The following KCNIP4 variants were observed in gnomAD, a reference collection of about 807,000 sequenced individuals.
The protein encoded by KCNIP4 is potassium voltage-gated channel interacting protein 4.
A neutral mutation model predicts 34.0 loss-of-function variants in KCNIP4; 12 were observed. That is an observed-to-expected ratio of 0.35 (90% CI 0.23 to 0.57). The LOEUF is 0.57. KCNIP4 is among the 20% of genes least tolerant of loss of function. KCNIP4 has a pLI of 0.83. For synonymous variants in KCNIP4, 124 were observed against 102.2 expected, an observed-to-expected ratio of 1.21 and a Z score of -1.29; for missense variants, 238 against 311.7, an observed-to-expected ratio of 0.76 and a Z score of 1.78.
At chr4:21,143,664 TTCAATG>T (rs1243818184) in intron 1 of KCNIP4, among the ~76,000 whole-genome samples, 1 of 152,130 alleles carries the variant, frequency 6.6e-6, no homozygotes, top group Non-Finnish European at 1.5e-5. Context: ...ACTTGGTGTT[TTCAATG>T]GACCACTAGG....
At chr4:20,886,422 G>A (rs140624604) in intron 1 of KCNIP4, among the ~76,000 whole-genome samples, 3 of 152,302 alleles carry the variant, frequency 2.0e-5, no homozygotes, top group Admixed American at 6.5e-5. Context: ...TGATGTATGC[G>A]TGTGTATTCT....
intron 1 of KCNIP4, among the ~76,000 whole-genome samples, chr4:21,336,393 T>C (rs1400826340): frequency 1.3e-5 from 2 of 152,120 alleles, no homozygotes; most frequent in African/African-American, 2.4e-5. Context: ...AATTTCCAGA[T>C]ACTGAGAAAT....
chr4:21,126,748 C>T (rs1295883793), intron 1 of KCNIP4, among the ~76,000 whole-genome samples: 1 of 151,944 alleles, frequency 6.6e-6, no homozygotes, highest in African/African-American at 2.4e-5. Context: ...AACCAAGGTC[C>T]AGAGAAATCA....
At chr4:21,359,494 G>A (rs572524137) in intron 1 of KCNIP4, among the ~76,000 whole-genome samples, 106 of 152,140 alleles carry the variant, frequency 7.0e-4, no homozygotes, top group African/African-American at 2.5e-3. Context: ...ATCATAAACC[G>A]AATGAGAGTA....
intron 1 of KCNIP4, among the ~76,000 whole-genome samples, chr4:21,341,681 C>A (rs980506852): frequency 6.6e-6 from 1 of 152,042 alleles, no homozygotes; most frequent in African/African-American, 2.4e-5. Context: ...ATCATAATAA[C>A]CTGCACCTTT....
intron 1 of KCNIP4, among the ~76,000 whole-genome samples, chr4:21,785,176 C>T (rs1219655824): frequency 1.3e-5 from 2 of 152,144 alleles, no homozygotes; most frequent in Non-Finnish European, 2.9e-5. Context: ...GCTTTATGGA[C>T]ATATAACTCA....
chr4:21,646,593 G>A (rs1008412380), intron 1 of KCNIP4, among the ~76,000 whole-genome samples: 2 of 151,872 alleles, frequency 1.3e-5, no homozygotes, highest in Admixed American at 6.6e-5. Flanking sequence ...CTTTAAAAAT[G>A]TCCTGGTATT....
At chr4:21,156,249 C>A (rs1319173797) in intron 1 of KCNIP4, among the ~76,000 whole-genome samples, 2 of 152,126 alleles carry the variant, frequency 1.3e-5, no homozygotes. Context: ...AAGAAGCTGT[C>A]TAGCCAGGAA....
chr4:21,447,317 G>C (rs1235852596), intron 1 of KCNIP4, among the ~76,000 whole-genome samples: 1 of 152,072 alleles, frequency 6.6e-6, no homozygotes, highest in Non-Finnish European at 1.5e-5. Flanking sequence ...ACTAGAAAAG[G>C]CATGAAAAAA....
At chr4:21,514,431 G>A (rs146433068) in intron 1 of KCNIP4, among the ~76,000 whole-genome samples, 3 of 152,072 alleles carry the variant, frequency 2.0e-5, no homozygotes, top group Admixed American at 6.5e-5. Context: ...TTTTAGAAAA[G>A]ACATCATTGT....
chr4:21,491,572 T>C (rs1732401928), intron 1 of KCNIP4, among the ~76,000 whole-genome samples: 1 of 152,066 alleles, frequency 6.6e-6, no homozygotes, highest in Non-Finnish European at 1.5e-5. Context: ...GAGGTCTGGC[T>C]ATGTTGCCCA....
intron 1 of KCNIP4, among the ~76,000 whole-genome samples, chr4:21,944,930 T>C (rs537247543): frequency 8.5e-5 from 13 of 152,284 alleles, no homozygotes; most frequent in African/African-American, 3.1e-4. Flanking sequence ...TTGAAAGATT[T>C]TTCAGACTTG....
chr4:21,922,578 CCAAA>C (rs1728996221), intron 1 of KCNIP4, among the ~76,000 whole-genome samples: 1 of 151,988 alleles, frequency 6.6e-6, no homozygotes, highest in African/African-American at 2.4e-5. Flanking sequence ...ATTTACTGTG[CCAAA>C]CATTTTGCTA....
intron 3 of KCNIP4, among the ~76,000 whole-genome samples, chr4:20,843,723 C>T (rs1292219812): frequency 6.6e-6 from 1 of 152,106 alleles, no homozygotes; most frequent in Non-Finnish European, 1.5e-5. Flanking sequence ...GAGCGAGACT[C>T]CGTCTCAAGA....
chr4:21,170,585 A>G (rs1753953037), intron 1 of KCNIP4, among the ~76,000 whole-genome samples: 1 of 152,174 alleles, frequency 6.6e-6, no homozygotes, highest in Non-Finnish European at 1.5e-5. Flanking sequence ...AGAGGCCAAA[A>G]CAAGCAATAT....
At chr4:20,932,801 TAA>T (rs1189011488) in intron 1 of KCNIP4, among the ~76,000 whole-genome samples, 1 of 152,164 alleles carries the variant, frequency 6.6e-6, no homozygotes, top group Non-Finnish European at 1.5e-5. Flanking sequence ...TACATTAATA[TAA>T]AGAAACAAAT....
rs1019165350 is a variant in KCNIP4, at chr4:21,692,749, C to G, written c.61+255822G>C. Among the ~76,000 whole-genome samples the G allele has an allele frequency of 3.3e-5, 5 of 149,556 alleles. No individual in the cohort carries two copies. The South Asian group carries it at 1.0e-3, about 31-fold the overall frequency. Reference sequence around the variant, plus strand: ...AGCAATAGCATAATTTCAGAGCATGCGGGCCAAGAGAATATAAACTGTGTA... The same window carrying G: ...AGCAATAGCATAATTTCAGAGCATGGGGGCCAAGAGAATATAAACTGTGTA... On this transcript the variant is annotated intron_variant, in intron 1 of 8. Transcript: ENST00000382152.
chr4:20,920,881 C>T (rs1460624868), intron 1 of KCNIP4, among the ~76,000 whole-genome samples: 2 of 151,938 alleles, frequency 1.3e-5, no homozygotes, highest in Non-Finnish European at 1.5e-5. Flanking sequence ...CTCAGCTACT[C>T]GGGAGGCTGA....
intron 3 of KCNIP4, among the ~76,000 whole-genome samples, chr4:20,779,969 T>G (rs918861925): frequency 2.6e-5 from 4 of 152,292 alleles, no homozygotes; most frequent in African/African-American, 9.6e-5. Context: ...AGAGTAAATT[T>G]TTGTTGTTTT....
Sources: gnomAD v4.1 joint callset for allele counts (sites outside exome capture counted in the v4.1 genomes callset) on GRCh38, gnomAD v4.1.1 for gene constraint, MANE v1.5 for transcripts, NCBI Gene and HGNC (gene_info 2026-07-23, HGNC 2026-07-21) for gene names.